The following CDH19 variants were observed in gnomAD, a reference collection of about 807,000 sequenced individuals.
The protein encoded by CDH19 is cadherin 19.
A neutral mutation model predicts 64.2 loss-of-function variants in CDH19; 67 were observed. The ratio of observed to expected loss-of-function variants is 1.04; its 90% CI spans 0.86 to 1.28. CDH19 has a LOEUF of 1.28. Ranked by LOEUF, CDH19 falls within the 50% of genes most tolerant of loss-of-function variation. CDH19 has a pLI of 0.00. For synonymous variants in CDH19, 346 were observed against 319.3 expected (o/e 1.08, Z -0.89); for missense variants, 1,030 against 929.0 (o/e 1.11, Z -1.41).
chr18:66,529,985 T>C lies in CDH19; in HGVS notation c.1337-19A>G, dbSNP rs1986378396. On this transcript the variant is annotated intron_variant, in intron 8 of 11. Transcript: ENST00000262150. ...ATATTGTCTGCAATTTGAATATATA[T>C]AATAAAAATCTAACATATTTTAATA... is the stretch of plus-strand genomic sequence containing the variant. 7 of 1,309,768 alleles carry C rather than the reference T, an allele frequency of 5.3e-6. No homozygotes were observed. Among genetic ancestry groups the C allele is most frequent in the Non-Finnish European group, 7.2e-6 (7 of 966,292 alleles). 81.1% of individuals were successfully genotyped at this position (1,309,768 alleles called of 1,614,324 possible).
At chr18:66,590,710 T>G (rs187324713) in intron 1 of CDH19, among the ~76,000 whole-genome samples, 1 of 151,968 alleles carries the variant, frequency 6.6e-6, no homozygotes, top group Non-Finnish European at 1.5e-5. Flanking sequence ...TGTAAAGTAT[T>G]TCCTAAAATG....
intron 10 of CDH19, 53 bp from the exon 11 acceptor site, chr18:66,509,299 T>C (rs1196185751): frequency 6.7e-6 from 10 of 1,500,544 alleles, no homozygotes; most frequent in Non-Finnish European, 9.2e-6. Context: ...GAGAAATTTG[T>C]ATGTAATAGT....
chr18:66,536,551 A>T (rs1168650506), intron 7 of CDH19, among the ~76,000 whole-genome samples: 2 of 151,792 alleles, frequency 1.3e-5, no homozygotes, highest in African/African-American at 4.8e-5. Context: ...ACAGGATGTT[A>T]TAGTCTTTAG....
At chr18:66,542,106 T>A (rs754815746) in intron 7 of CDH19, among the ~76,000 whole-genome samples, 46 of 152,254 alleles carry the variant, frequency 3.0e-4, no homozygotes, top group Middle Eastern at 3.4e-3. Flanking sequence ...TTTTTTAACA[T>A]TCCATATTAT....
At chr18:66,533,585 T>C (rs1174944128) in intron 8 of CDH19, among the ~76,000 whole-genome samples, 1 of 151,714 alleles carries the variant, frequency 6.6e-6, no homozygotes, top group African/African-American at 2.4e-5. Flanking sequence ...TTGGTATTAC[T>C]GCACAAAATG....
chr18:66,511,471 T>C (rs1217483634), intron 10 of CDH19, 97 bp downstream of exon 10: 1 of 623,398 alleles, frequency 1.6e-6, no homozygotes, highest in African/African-American at 1.9e-5. Flanking sequence ...ATTATTATGT[T>C]GCAAGAACAG....
intron 9 of CDH19, among the ~76,000 whole-genome samples, chr18:66,527,623 G>C (rs185482178): frequency 7.9e-5 from 12 of 152,022 alleles, no homozygotes; most frequent in African/African-American, 2.7e-4. Context: ...GGTGGCGTGC[G>C]CCTGTCATCT....
chr18:66,596,864 C>T lies in CDH19; in HGVS notation c.-113+7090G>A, dbSNP rs538234566. On this transcript the variant is annotated intron_variant, in intron 1 of 11. Coordinates refer to ENST00000262150, the MANE Select transcript of CDH19 (RefSeq NM_021153.4). The stretch of plus-strand genomic sequence containing the variant: ...TTGGGAGGCCGAGGCGGGCGGATCA[C>T]GAGGTCAGGAGATCGAGACCATCCC... Among the ~76,000 whole-genome samples the T allele has an allele frequency of 8.6e-5, 13 of 151,356 alleles. No individual in the cohort carries two copies. In the East Asian group the frequency reaches 2.0e-3, roughly 23 times the overall value.
rs146997266 is a variant in CDH19 at position 66,514,889 on chromosome 18, A to T, written c.1459-3204T>A. On this transcript the variant is annotated intron_variant, in intron 9 of 11. Coordinates refer to ENST00000262150, the MANE Select transcript of CDH19 (RefSeq NM_021153.4). Reference sequence around the variant, plus strand: ...TGATGGACAGCTAATTTAAGATGCAACTCTTGTACACAAATATTTGGAGCA... The same window carrying T: ...TGATGGACAGCTAATTTAAGATGCATCTCTTGTACACAAATATTTGGAGCA... Among the ~76,000 whole-genome samples, 287 of 151,632 alleles carry T rather than the reference A, an allele frequency of 1.9e-3. 2 individuals carry two copies. The highest frequency in any genetic ancestry group is 6.6e-3 in the African/African-American group (275 of 41,486).
intron 9 of CDH19, among the ~76,000 whole-genome samples, chr18:66,511,903 T>C (rs1985510990): frequency 6.6e-6 from 1 of 151,640 alleles, no homozygotes; most frequent in Admixed American, 6.6e-5. Context: ...TATTACATAA[T>C]AAACAAACTC....
intron 1 of CDH19, among the ~76,000 whole-genome samples, chr18:66,590,213 G>A (rs568938212): frequency 2.8e-4 from 43 of 151,562 alleles, no homozygotes; most frequent in East Asian, 9.7e-4. Flanking sequence ...ATGACTTTAC[G>A]GTAAATATTT....
intron 9 of CDH19, among the ~76,000 whole-genome samples, chr18:66,512,580 A>G (rs1191197655): frequency 8.6e-5 from 13 of 151,548 alleles, no homozygotes; most frequent in Admixed American, 8.6e-4. Context: ...GGCATAAAGA[A>G]CATTAGGAAA....
At chr18:66,580,481 G>A (rs370523381) in intron 1 of CDH19, among the ~76,000 whole-genome samples, 2 of 151,994 alleles carry the variant, frequency 1.3e-5, no homozygotes, top group South Asian at 4.1e-4. Flanking sequence ...AGTAAGTCTA[G>A]GCAGAGAAAA....
chr18:66,562,434 C>T (rs1451285324), intron 3 of CDH19, among the ~76,000 whole-genome samples: 1 of 151,998 alleles, frequency 6.6e-6, no homozygotes, highest in Non-Finnish European at 1.5e-5. Flanking sequence ...CGCCACTGAT[C>T]TGACAGGAGG....
intron 9 of CDH19, among the ~76,000 whole-genome samples, chr18:66,515,642 GTTT>G (rs1985705449): frequency 6.6e-6 from 1 of 151,720 alleles, no homozygotes; most frequent in African/African-American, 2.4e-5. Flanking sequence ...TATTATAATT[GTTT>G]TTGCCATTAA....
intron 7 of CDH19, among the ~76,000 whole-genome samples, chr18:66,536,842 C>CAT (rs1158458943): frequency 6.6e-6 from 1 of 151,520 alleles, no homozygotes; most frequent in Non-Finnish European, 1.5e-5. Context: ...ATGTAAAATA[C>CAT]ATATATATAT....
chr18:66,533,766 A>G (rs1039433139), intron 8 of CDH19, among the ~76,000 whole-genome samples: 1 of 152,066 alleles, frequency 6.6e-6, no homozygotes, highest in Non-Finnish European at 1.5e-5. Context: ...TCTTTCCTAT[A>G]ATCAGTATAA....
At position 66,531,950 on chromosome 18, in the gene CDH19, A is replaced by T. The variant is rs1260859763; in HGVS notation, c.1337-1984T>A. Among the ~76,000 whole-genome samples, 5 of 152,140 alleles carry T rather than the reference A, an allele frequency of 3.3e-5. No homozygotes were observed. In the East Asian group the frequency reaches 9.6e-4, roughly 29 times the overall value. On this transcript the variant is annotated intron_variant, in intron 8 of 11. Transcript: ENST00000262150. ...CCAGACATGTATTTTGTGAACTGAA[A>T]AAAGTAAGTTGCAGCTATTATATTG...
chr18:66,585,993 T>C (rs1304558167), intron 1 of CDH19, among the ~76,000 whole-genome samples: 2 of 152,126 alleles, frequency 1.3e-5, no homozygotes, highest in Non-Finnish European at 2.9e-5. Context: ...TATGCACTTA[T>C]GCAGTTTGAA....
Sources: allele counts gnomAD v4.1 joint callset (sites outside exome capture counted in the v4.1 genomes callset), GRCh38; gene constraint gnomAD v4.1.1; transcripts MANE v1.5; gene names NCBI Gene and HGNC (gene_info 2026-07-23, HGNC 2026-07-21).